Variants in TRAPPC12 observed in about 807,000 individuals in gnomAD.
The protein encoded by TRAPPC12 is TPR repeat protein 15.
In TRAPPC12, 61 loss-of-function variants were observed where a neutral mutation model predicts 69.2. That is an observed-to-expected ratio of 0.88 (90% CI 0.72 to 1.09). The LOEUF (loss-of-function observed/expected upper bound fraction) is 1.09. Among genes scored for constraint, TRAPPC12 ranks in the 50% least tolerant of loss-of-function variants. The pLI, the probability that TRAPPC12 is intolerant of heterozygous loss-of-function variation, is 0.00. For missense variants in TRAPPC12, 1,101 were observed against 1,016.4 expected, an observed-to-expected ratio of 1.08 and a Z score of -1.13; for synonymous variants, 469 against 438.9, an observed-to-expected ratio of 1.07 and a Z score of -0.86.
At chr2:3,389,193 G>A (rs894982075) in intron 2 of TRAPPC12, among the ~76,000 whole-genome samples, 1 of 152,066 alleles carries the variant, frequency 6.6e-6, no homozygotes, top group African/African-American at 2.4e-5. Context: ...GGTTTTTTTC[G>A]GTGCCGCTTT....
intron 4 of TRAPPC12, 138 bp downstream of exon 4, chr2:3,422,132 T>C: frequency 2.8e-6 from 2 of 709,422 alleles, no homozygotes; most frequent in East Asian, 2.7e-5. Flanking sequence ...TTATATTGTA[T>C]ATACTATACT....
chr2:3,390,772 G>A (rs6723050), intron 2 of TRAPPC12, among the ~76,000 whole-genome samples: 7,509 of 152,218 alleles, frequency 0.049, 664 homozygotes, highest in African/African-American at 0.17. Context: ...AGATTCATCA[G>A]TTGTAATAGG....
chr2:3,435,201 C>T (rs868621532), intron 5 of TRAPPC12, among the ~76,000 whole-genome samples: 14 of 151,842 alleles, frequency 9.2e-5, no homozygotes, highest in African/African-American at 1.7e-4. Flanking sequence ...TTAGTAGAGA[C>T]GGGGTTTTCG....
In TRAPPC12 at chr2:3,465,706, A is replaced by G. The variant is rs1412018652; in HGVS notation, c.1776+11A>G. 40 of 1,600,646 alleles carry G rather than the reference A, an allele frequency of 2.5e-5. No individual in the cohort carries two copies. The highest frequency in any genetic ancestry group is 3.3e-5 in the Non-Finnish European group (39 of 1,167,846). On this transcript the variant is annotated intron_variant, in intron 9 of 11. Transcript: ENST00000324266. The stretch of plus-strand genomic sequence containing the variant: ...CGGATTTCCCTGCAGGTACCTGTGC[A>G]CGGTCAGACATGAGCCAGAAAGGCC...
intron 3 of TRAPPC12, among the ~76,000 whole-genome samples, chr2:3,410,031 C>T (rs1183104978): frequency 6.6e-6 from 1 of 152,180 alleles, no homozygotes; most frequent in Non-Finnish European, 1.5e-5. Flanking sequence ...GAAAGGGCTG[C>T]CCAGACTCTC....
chr2:3,444,120 T>C (rs1336812140), intron 6 of TRAPPC12, among the ~76,000 whole-genome samples: 3 of 152,212 alleles, frequency 2.0e-5, no homozygotes, highest in Non-Finnish European at 4.4e-5. Flanking sequence ...CCTGTAATTC[T>C]TACTGCCTGG....
chr2:3,475,548 T>G (rs1666256773), intron 9 of TRAPPC12, among the ~76,000 whole-genome samples: 1 of 152,060 alleles, frequency 6.6e-6, no homozygotes, highest in Non-Finnish European at 1.5e-5. Context: ...TGTATCCTAA[T>G]TACATTTTAA....
chr2:3,456,840 A>G (rs1202659885), intron 6 of TRAPPC12: 2 of 270,990 alleles, frequency 7.4e-6, no homozygotes, highest in Non-Finnish European at 1.4e-5. Flanking sequence ...CGGCCTCCCA[A>G]GGTGTTGGGA....
chr2:3,456,123 T>C (rs1665137105), intron 6 of TRAPPC12: 1 of 152,220 alleles, frequency 6.6e-6, no homozygotes, highest in Non-Finnish European at 1.5e-5. Context: ...TTTTCAAGGT[T>C]ACAATTTTGA....
chr2:3,419,882 T>C (rs1386156386), intron 3 of TRAPPC12, among the ~76,000 whole-genome samples: 1 of 152,210 alleles, frequency 6.6e-6, no homozygotes, highest in Non-Finnish European at 1.5e-5. Flanking sequence ...CCACGGGACG[T>C]GCAGCCGTGG....
At chr2:3,453,532 C>T (rs1664965725) in intron 6 of TRAPPC12, among the ~76,000 whole-genome samples, 1 of 152,214 alleles carries the variant, frequency 6.6e-6, no homozygotes, top group Admixed American at 6.5e-5. Context: ...GGGCCCTCAG[C>T]AGCTTCCAGC....
chr2:3,465,914 C>G (rs1665786267), intron 9 of TRAPPC12: 1 of 578,162 alleles, frequency 1.7e-6, no homozygotes, highest in Non-Finnish European at 3.1e-6. Flanking sequence ...AAATGTGAAC[C>G]CACAGAAAGT....
At chr2:3,407,070 G>A (rs899902286) in intron 3 of TRAPPC12, among the ~76,000 whole-genome samples, 5 of 152,222 alleles carry the variant, frequency 3.3e-5, no homozygotes, top group Non-Finnish European at 7.3e-5. Flanking sequence ...AGCCAGGAAA[G>A]GGTTTTTGAA....
chr2:3,403,230 A>ATTTTT (rs35354979), intron 3 of TRAPPC12, among the ~76,000 whole-genome samples: 1,969 of 119,276 alleles, frequency 0.017, 123 homozygotes, highest in African/African-American at 0.059. Flanking sequence ...GATTTCACCA[A>ATTTTT]TTTTTTTTTT....
intron 5 of TRAPPC12, among the ~76,000 whole-genome samples, chr2:3,433,930 G>A (rs143617906): frequency 3.9e-4 from 59 of 152,054 alleles, no homozygotes; most frequent in African/African-American, 1.1e-3. Flanking sequence ...GGAGAGAGAC[G>A]GGCCTCAGGG....
Position 3,447,967 on chromosome 2 carries a change from G to T in TRAPPC12, c.1530+4076G>T, listed in dbSNP as rs1012309931. ...ACTGCCCTTTGCTGCATTGTTTAAA[G>T]TATTCACCACACCTGCCCCAAACCA... On this transcript the variant is annotated intron_variant, in intron 6 of 11. Transcript: ENST00000324266. Among the ~76,000 whole-genome samples the T allele has an allele frequency of 5.3e-5, 8 of 152,336 alleles. No homozygotes were observed. In the East Asian group the frequency reaches 1.5e-3, roughly 29 times the overall value.
intron 9 of TRAPPC12, among the ~76,000 whole-genome samples, chr2:3,473,986 T>C (rs1408160051): frequency 6.6e-6 from 1 of 152,166 alleles, no homozygotes; most frequent in African/African-American, 2.4e-5. Flanking sequence ...TCCTCTCCAG[T>C]CAACAGCTCA....
chr2:3,470,273 C>T (rs1030194561), intron 9 of TRAPPC12, among the ~76,000 whole-genome samples: 2 of 152,270 alleles, frequency 1.3e-5, no homozygotes, highest in African/African-American at 2.4e-5. Flanking sequence ...AGATTTCCAG[C>T]TCCTAAGAAC....
Position 3,388,273 on chromosome 2 carries a change from A to G in TRAPPC12, c.650A>G (p.His217Arg). 6.2e-7 allele frequency: 1 copy of G among 1,607,000 alleles called. No homozygotes were observed. The highest frequency in any genetic ancestry group is 8.5e-7 in the Non-Finnish European group (1 of 1,176,770). The change falls in exon 2 of 12, where the codon CAC (histidine) becomes CGC (arginine). Residue 217 changes from histidine to arginine, a missense_variant. Physicochemically the swap from His to Arg is conservative, Grantham distance 29. Coordinates refer to ENST00000324266, the MANE Select transcript of TRAPPC12 (RefSeq NM_016030.6). ...TTCTTCGGAGACACGGCCGCCAGCC[A>G]CTCCTTGGCCTCGGACTTCTTCGAC... ...STFFGDTAASHSLASDFFDSF... is the reference protein window; with the variant it reads ...STFFGDTAASRSLASDFFDSF...
Sources: allele counts gnomAD v4.1 joint callset (sites outside exome capture counted in the v4.1 genomes callset), GRCh38; gene constraint gnomAD v4.1.1; transcripts MANE v1.5; gene names NCBI Gene and HGNC (gene_info 2026-07-23, HGNC 2026-07-21).